Variants in TAF3 observed in about 807,000 individuals in gnomAD.
The protein encoded by TAF3 is TATA-box binding protein associated factor 3.
A neutral mutation model predicts 80.6 loss-of-function variants in TAF3; 7 were observed. That is an observed-to-expected ratio of 0.09 (90% confidence interval 0.05 to 0.16). TAF3 has a LOEUF of 0.16. Ranked by LOEUF, TAF3 falls within the 10% of genes least tolerant of loss-of-function variation. The pLI, the probability that TAF3 is intolerant of heterozygous loss-of-function variation, is 1.00. For missense variants in TAF3, 921 were observed against 1,140.2 expected (o/e 0.81, Z 2.77); for synonymous variants, 444 against 446.1 (o/e 1.00, Z 0.06).
intron 2 of TAF3, among the ~76,000 whole-genome samples, chr10:7,859,530 G>T (rs1293068983): frequency 6.6e-6 from 1 of 152,074 alleles, no homozygotes; most frequent in African/African-American, 2.4e-5. Context: ...TGTCCACTGG[G>T]CACTGGCCGG....
chr10:7,921,134 T>C (rs1271254780), intron 2 of TAF3, among the ~76,000 whole-genome samples: 1 of 152,100 alleles, frequency 6.6e-6, no homozygotes. Context: ...AATGCCATAT[T>C]ATATATTTCT....
intron 2 of TAF3, among the ~76,000 whole-genome samples, chr10:7,901,153 G>A (rs1004323131): frequency 1.3e-5 from 2 of 152,074 alleles, no homozygotes; most frequent in African/African-American, 2.4e-5. Flanking sequence ...GGCTGTCAAT[G>A]ATTTTATTAA....
rs1832106178 is a variant in TAF3, at chr10:8,016,466, A to C, written c.*1715A>C. The C allele has an allele frequency of 6.6e-6, 1 of 152,164 alleles. No homozygotes were observed. The highest frequency in any genetic ancestry group is 2.4e-5 in the African/African-American group (1 of 41,420). 9.4% of individuals were successfully genotyped at this position (152,164 alleles called of 1,614,324 possible). A position where few individuals can be genotyped will look rare whatever the true frequency, so the allele number is the denominator to read the frequency against. ...CAGAATTTTTCTATCCCCGCTAAGA[A>C]ACAAAGCATCTATGTTGAGATATGT... is the stretch of plus-strand genomic sequence containing the variant. On this transcript the variant is annotated 3_prime_UTR_variant, in exon 7 of 7. Coordinates refer to ENST00000344293, the MANE Select transcript of TAF3 (RefSeq NM_031923.4).
chr10:7,820,531 G>A (rs1836680725), intron 1 of TAF3, among the ~76,000 whole-genome samples: 1 of 152,198 alleles, frequency 6.6e-6, no homozygotes, highest in Non-Finnish European at 1.5e-5. Flanking sequence ...GTCTCACTCT[G>A]TCGCCGAGCG....
chr10:7,863,438 C>G (rs1837167866), intron 2 of TAF3, among the ~76,000 whole-genome samples: 1 of 150,904 alleles, frequency 6.6e-6, no homozygotes, highest in Non-Finnish European at 1.5e-5. Context: ...TGGTGAAACC[C>G]CGTCTCTACT....
intron 4 of TAF3, among the ~76,000 whole-genome samples, chr10:7,998,670 C>G (rs1172876997): frequency 6.6e-6 from 1 of 151,896 alleles, no homozygotes; most frequent in Non-Finnish European, 1.5e-5. Context: ...GAAACCCCGT[C>G]TCTACTAAAA....
chr10:7,848,942 C>T lies in TAF3; in HGVS notation c.409+24382C>T, dbSNP rs141862085. 3.5e-3 allele frequency among the ~76,000 whole-genome samples: 533 copies of T among 152,114 alleles called. 4 individuals carry two copies. The highest frequency in any genetic ancestry group is 0.012 in the African/African-American group (487 of 41,494). ...CATATGTTTATAGTTTAACTGTTTCCCAGTAGGGTGTTTTTGAGACTTTCC... is the reference window on the plus strand; with the variant it reads ...CATATGTTTATAGTTTAACTGTTTCTCAGTAGGGTGTTTTTGAGACTTTCC... On this transcript the variant is annotated intron_variant, in intron 2 of 6. Transcript: ENST00000344293.
At chr10:8,008,757 C>T (rs899972388) in intron 4 of TAF3, among the ~76,000 whole-genome samples, 8 of 152,172 alleles carry the variant, frequency 5.3e-5, no homozygotes, top group African/African-American at 1.9e-4. Context: ...GGGAGCGCCA[C>T]CTCTGAAGCC....
intron 2 of TAF3, among the ~76,000 whole-genome samples, chr10:7,883,590 T>C (rs1333551975): frequency 6.6e-6 from 1 of 152,230 alleles, no homozygotes; most frequent in Non-Finnish European, 1.5e-5. Context: ...TAGTTTATCA[T>C]CCATTGGTGA....
chr10:7,988,572 CAAAAAAAAAAAAAAAA>C (rs58825999), intron 4 of TAF3, among the ~76,000 whole-genome samples: 8,405 of 49,510 alleles, frequency 0.17, 458 homozygotes, highest in South Asian at 0.37. Context: ...GACCCTGTCT[CAAAAAAAAAAAAAAAA>C]AAAAAAAAAA....
At position 7,948,258 on chromosome 10, in the gene TAF3, CTTTTTTTT is replaced by C. The variant is rs575870423; in HGVS notation, c.410-15655_410-15648del. ...TTTTTTTCTTTTCTTTTCTTTCTTTCTTTTTTTTTTTTTTAGAGACAAGATCTTTCTTG... is the reference window on the plus strand; with the variant it reads ...TTTTTTTCTTTTCTTTTCTTTCTTTCTTTTTTAGAGACAAGATCTTTCTTG... On this transcript the variant is annotated intron_variant, in intron 2 of 6. Transcript: ENST00000344293. Among the ~76,000 whole-genome samples, 217 of 139,316 alleles carry C rather than the reference CTTTTTTTT, an allele frequency of 1.6e-3. 1 individual carries two copies. The highest frequency in any genetic ancestry group is 2.2e-3 in the Non-Finnish European group (141 of 64,304). 91.4% of individuals were successfully genotyped at this position (139,316 alleles called of 152,430 possible). A position where few individuals can be genotyped will look rare whatever the true frequency, so the allele number is the denominator to read the frequency against.
At chr10:7,934,519 A>T (rs1427172482) in intron 2 of TAF3, among the ~76,000 whole-genome samples, 10 of 152,134 alleles carry the variant, frequency 6.6e-5, no homozygotes, top group Non-Finnish European at 1.5e-5. Context: ...ATCTCAGCTC[A>T]TTGCAACCTT....
At position 7,823,311 on chromosome 10, in the gene TAF3, C is replaced by T. The variant is rs535531226; in HGVS notation, c.167-1007C>T. ...GTAACCAACATTGACTTTGTCAGCA[C>T]AGCACACTACTTATTTGATGATTAA... On this transcript the variant is annotated intron_variant, in intron 1 of 6. Coordinates refer to ENST00000344293, the MANE Select transcript of TAF3 (RefSeq NM_031923.4). Among the ~76,000 whole-genome samples the T allele has an allele frequency of 1.4e-3, 205 of 150,774 alleles. 1 individual carries two copies. Among genetic ancestry groups the T allele is most frequent in the African/African-American group, 4.8e-3 (197 of 40,964 alleles).
intron 2 of TAF3, among the ~76,000 whole-genome samples, chr10:7,957,397 GTTTT>G (rs1460796667): frequency 2.0e-5 from 3 of 152,104 alleles, no homozygotes; most frequent in Non-Finnish European, 2.9e-5. Context: ...GAGGAGAATT[GTTTT>G]TTGTTTTTTT....
intron 2 of TAF3, among the ~76,000 whole-genome samples, chr10:7,941,970 A>G (rs562723725): frequency 9.1e-4 from 138 of 152,274 alleles, no homozygotes; most frequent in African/African-American, 3.2e-3. Context: ...ATTTTCTCCC[A>G]AAGTGTCAAA....
At chr10:7,949,252 C>T (rs1356393744) in intron 2 of TAF3, among the ~76,000 whole-genome samples, 5 of 152,178 alleles carry the variant, frequency 3.3e-5, no homozygotes, top group South Asian at 2.1e-4. Context: ...TCCACTGTAA[C>T]GAAATGCTGC....
At chr10:7,974,133 TACACACACACAC>T (rs56363651) in intron 3 of TAF3, among the ~76,000 whole-genome samples, 104 of 145,358 alleles carry the variant, frequency 7.2e-4, no homozygotes, top group Middle Eastern at 3.5e-3. Flanking sequence ...TTCTGAAACA[TACACACACACAC>T]ACACACACAC....
intron 2 of TAF3, among the ~76,000 whole-genome samples, chr10:7,902,384 C>T (rs1837566469): frequency 6.6e-6 from 1 of 152,112 alleles, no homozygotes; most frequent in South Asian, 2.1e-4. Flanking sequence ...GATTGCACCA[C>T]TGCACTCTAG....
intron 2 of TAF3, among the ~76,000 whole-genome samples, chr10:7,861,011 G>C (rs1000153244): frequency 1.1e-4 from 17 of 151,618 alleles, no homozygotes; most frequent in African/African-American, 4.1e-4. Flanking sequence ...GCCTGGGCTG[G>C]AGTGCAGTGG....
Sources: gnomAD v4.1 joint callset for allele counts (sites outside exome capture counted in the v4.1 genomes callset) on GRCh38, gnomAD v4.1.1 for gene constraint, MANE v1.5 for transcripts, NCBI Gene and HGNC (gene_info 2026-07-23, HGNC 2026-07-21) for gene names.